TMEM33: variants seen among roughly 807,000 people sequenced by gnomAD.
The protein encoded by TMEM33 is transmembrane protein 33.
A neutral mutation model predicts 29.7 loss-of-function variants in TMEM33; 16 were observed. The observed-to-expected ratio is 0.54, with a 90% confidence interval of 0.36 to 0.82. The LOEUF is 0.82. Among genes scored for constraint, TMEM33 ranks in the 40% least tolerant of loss-of-function variants. The pLI, the probability that TMEM33 is intolerant of heterozygous loss-of-function variation, is 0.00. For synonymous variants in TMEM33, 112 were observed against 109.4 expected (o/e 1.02, Z -0.15); for missense variants, 252 against 295.3 (o/e 0.85, Z 1.08).
chr4:41,953,491 AC>A (rs1713131599), intron 6 of TMEM33, among the ~76,000 whole-genome samples: 1 of 152,220 alleles, frequency 6.6e-6, no homozygotes, highest in African/African-American at 2.4e-5. Flanking sequence ...CTTTGCATTC[AC>A]AGCTTGGCTA....
intron 3 of TMEM33, among the ~76,000 whole-genome samples, chr4:41,942,651 A>G (rs1481766129): frequency 6.7e-6 from 1 of 148,360 alleles, no homozygotes; most frequent in Non-Finnish European, 1.5e-5. Flanking sequence ...CTACTTGACA[A>G]TTTTTTTTTT....
intron 3 of TMEM33, among the ~76,000 whole-genome samples, chr4:41,940,102 C>CCTGCCT (rs886372456): frequency 7.0e-6 from 1 of 142,832 alleles, no homozygotes; most frequent in African/African-American, 2.6e-5. Context: ...GCCCAGGCCA[C>CCTGCCT]CTGCCTCTGC....
intron 5 of TMEM33, among the ~76,000 whole-genome samples, chr4:41,947,061 C>T (rs1274493017): frequency 1.3e-5 from 2 of 152,012 alleles, no homozygotes; most frequent in Non-Finnish European, 2.9e-5. Flanking sequence ...TGTGGTGAAA[C>T]CCCGTCTCTA....
rs1052047763 is a variant in TMEM33 at position 41,959,636 on chromosome 4, A to T, written c.*5437A>T. On this transcript the variant is annotated 3_prime_UTR_variant, in exon 7 of 7. Transcript: ENST00000504986. ...TTCTTTCTTTGTTCATGACAGTTTA[A>T]TTCCAAATATTTACTATTTTCTCTT... is the stretch of plus-strand genomic sequence containing the variant. 1 of 152,174 alleles carries T rather than the reference A, an allele frequency of 6.6e-6. No homozygotes were observed. The highest frequency in any genetic ancestry group is 2.4e-5 in the African/African-American group (1 of 41,440). The allele number at this position is 152,174 out of a possible 1,614,324, so 9.4% of individuals were successfully genotyped here.
chr4:41,946,325 T>C lies in TMEM33; in HGVS notation c.530+1399T>C, dbSNP rs1184560036. Among the ~76,000 whole-genome samples, 9 of 152,160 alleles carry C rather than the reference T, an allele frequency of 5.9e-5. No individual in the cohort carries two copies. In the East Asian group the frequency reaches 1.7e-3, roughly 29 times the overall value. Reference sequence around the variant, plus strand: ...TCTGTATTACCTGTTTTTCATAATTTTGTTAGTTTGTAACAAATGTCCTTA... The same window carrying C: ...TCTGTATTACCTGTTTTTCATAATTCTGTTAGTTTGTAACAAATGTCCTTA... On this transcript the variant is annotated intron_variant, in intron 5 of 6. Coordinates refer to ENST00000504986, the MANE Select transcript of TMEM33 (RefSeq NM_018126.3).
At chr4:41,952,635 G>A (rs953075976) in intron 6 of TMEM33, among the ~76,000 whole-genome samples, 1 of 152,172 alleles carries the variant, frequency 6.6e-6, no homozygotes, top group East Asian at 1.9e-4. Context: ...TGATAGGAGC[G>A]AGGGCAGGGA....
intron 6 of TMEM33, among the ~76,000 whole-genome samples, chr4:41,952,307 C>T (rs1263720680): frequency 6.6e-6 from 1 of 152,132 alleles, no homozygotes; most frequent in African/African-American, 2.4e-5. Context: ...ATATTAAATA[C>T]TTGTTTAGAA....
intron 3 of TMEM33, among the ~76,000 whole-genome samples, chr4:41,940,571 A>G (rs1289819777): frequency 6.6e-6 from 1 of 152,002 alleles, no homozygotes; most frequent in Non-Finnish European, 1.5e-5. Flanking sequence ...GCACTTTGGG[A>G]GGCTGAGGTG....
intron 3 of TMEM33, chr4:41,939,683 T>C (rs774345874): frequency 2.1e-6 from 1 of 482,098 alleles, no homozygotes; most frequent in South Asian, 1.5e-5. Context: ...TACTTTAATA[T>C]TTACATTTTT....
chr4:41,945,974 A>T (rs1311014438), intron 5 of TMEM33, among the ~76,000 whole-genome samples: 1 of 62,006 alleles, frequency 1.6e-5, no homozygotes, highest in African/African-American at 7.2e-4. Flanking sequence ...CTGTCTCACC[A>T]AAAAAAAAAA....
chr4:41,937,412 C>G (rs555924584), intron 1 of TMEM33, among the ~76,000 whole-genome samples: 186 of 152,072 alleles, frequency 1.2e-3, no homozygotes, highest in South Asian at 3.3e-3. Context: ...TCTGAAATTA[C>G]CTACATGTGG....
In TMEM33 at chr4:41,955,740, A is replaced by G. The variant is rs1178511907; in HGVS notation, c.*1541A>G. ...GTATGTGGCTAGTCTTATTGTCACT[A>G]TGTAAGTAATCCAATGGTTTTAGAA... On this transcript the variant is annotated 3_prime_UTR_variant, in exon 7 of 7. Transcript: ENST00000504986. The G allele has an allele frequency of 5.2e-5, 8 of 152,614 alleles. No individual in the cohort carries two copies. Among genetic ancestry groups the G allele is most frequent in the African/African-American group, 1.2e-4 (5 of 41,450 alleles). The allele number at this position is 152,614 out of a possible 1,614,324, so 9.5% of individuals were successfully genotyped here.
chr4:41,943,122 A>T (rs894801194), intron 3 of TMEM33, among the ~76,000 whole-genome samples: 1 of 152,124 alleles, frequency 6.6e-6, no homozygotes, highest in Non-Finnish European at 1.5e-5. Context: ...TATACTTACA[A>T]CCCTTTGGGG....
At chr4:41,938,879 T>G (rs1158862231) in intron 2 of TMEM33, among the ~76,000 whole-genome samples, 183 bp downstream of exon 2, 1 of 152,210 alleles carries the variant, frequency 6.6e-6, no homozygotes, top group East Asian at 1.9e-4. Flanking sequence ...ATCTTGTGCT[T>G]TGTGAAACTA....
At chr4:41,952,016 G>C (rs1306144635) in intron 6 of TMEM33, among the ~76,000 whole-genome samples, 1 of 152,170 alleles carries the variant, frequency 6.6e-6, no homozygotes, top group Non-Finnish European at 1.5e-5. Flanking sequence ...TGGATTGCAA[G>C]CTCAGCAAGA....
At chr4:41,938,475 T>G in intron 1 of TMEM33, 127 bp from the exon 2 acceptor site, 1 of 837,480 alleles carries the variant, frequency 1.2e-6, no homozygotes, top group Non-Finnish European at 1.9e-6. Flanking sequence ...AGTTTTCACC[T>G]AATGATCTAA....
At chr4:41,943,945 G>C (rs1026998183) in intron 4 of TMEM33, 131 bp downstream of exon 4, 1 of 752,702 alleles carries the variant, frequency 1.3e-6, no homozygotes, top group Non-Finnish European at 2.1e-6. Context: ...ATTATTTAGT[G>C]ATTTGAAAGT....
rs1713353372 is a variant in TMEM33 at position 41,958,505 on chromosome 4, T to C, written c.*4306T>C. The C allele has an allele frequency of 6.6e-6, 1 of 151,558 alleles. No individual in the cohort carries two copies. The allele number at this position is 151,558 out of a possible 1,614,324, so 9.4% of individuals were successfully genotyped here. ...ATCCTTTCTCCTTCATTTTCAGATG[T>C]GTAAAAAATGGTACTTAAAGTGTTT... On this transcript the variant is annotated 3_prime_UTR_variant, in exon 7 of 7. Coordinates refer to ENST00000504986, the MANE Select transcript of TMEM33 (RefSeq NM_018126.3).
chr4:41,957,863 A>G lies in TMEM33; in HGVS notation c.*3664A>G, dbSNP rs1236243699. 1 of 152,152 alleles carries G rather than the reference A, an allele frequency of 6.6e-6. No homozygotes were observed. The highest frequency in any genetic ancestry group is 1.5e-5 in the Non-Finnish European group (1 of 68,016). 9.4% of individuals were successfully genotyped at this position (152,152 alleles called of 1,614,324 possible). On this transcript the variant is annotated 3_prime_UTR_variant, in exon 7 of 7. Transcript: ENST00000504986. Reference sequence around the variant, plus strand: ...AATCAGTAGGTGGCACTCTTTCCTCAGGTAGCCCCCCATTTTCACATGATG... The same window carrying G: ...AATCAGTAGGTGGCACTCTTTCCTCGGGTAGCCCCCCATTTTCACATGATG...
Sources: allele counts gnomAD v4.1 joint callset (sites outside exome capture counted in the v4.1 genomes callset), GRCh38; gene constraint gnomAD v4.1.1; transcripts MANE v1.5; gene names NCBI Gene and HGNC (gene_info 2026-07-23, HGNC 2026-07-21).